The following RORA variants were observed in gnomAD, a reference collection of about 807,000 sequenced individuals.
The protein encoded by RORA is RAR related orphan receptor A.
Under a neutral mutation model 69.5 loss-of-function variants are expected in RORA, and 7 were observed. The ratio of observed to expected loss-of-function variants is 0.10; its 90% CI spans 0.06 to 0.19. The LOEUF is 0.19. Among genes scored for constraint, RORA ranks in the 10% least tolerant of loss-of-function variants. RORA has a pLI of 1.00. For missense variants in RORA, 457 were observed against 663.0 expected (o/e 0.69, Z 3.41); for synonymous variants, 261 against 240.8 (o/e 1.08, Z -0.78).
At chr15:60,600,744 A>G (rs1451386735) in intron 2 of RORA, among the ~76,000 whole-genome samples, 1 of 152,130 alleles carries the variant, frequency 6.6e-6, no homozygotes, top group Non-Finnish European at 1.5e-5. Flanking sequence ...AATTCCTGTT[A>G]GATTTTTAGT....
intron 1 of RORA, among the ~76,000 whole-genome samples, chr15:61,167,876 A>G (rs932632342): frequency 1.3e-5 from 2 of 152,204 alleles, no homozygotes; most frequent in Non-Finnish European, 2.9e-5. Context: ...CCACACTTCA[A>G]TGCATGTTTC....
intron 1 of RORA, among the ~76,000 whole-genome samples, chr15:61,033,547 C>G (rs955677651): frequency 6.6e-6 from 1 of 152,106 alleles, no homozygotes; most frequent in African/African-American, 2.4e-5. Flanking sequence ...CCAAATTGAC[C>G]TAGATAGTAG....
chr15:61,166,608 G>C (rs1326238200), intron 1 of RORA, among the ~76,000 whole-genome samples: 1 of 152,046 alleles, frequency 6.6e-6, no homozygotes, highest in African/African-American at 2.4e-5. Context: ...ATTATAGGAA[G>C]GGGAAATATA....
Position 60,490,293 on chromosome 15 carries a change from A to G in RORA, c.*7162T>C, listed in dbSNP as rs2065020744. On this transcript the variant is annotated 3_prime_UTR_variant, in exon 11 of 11. Transcript: ENST00000335670. This position sits in a 1 kb window ranked among gnomAD's most constrained non-coding sequence, Gnocchi z 4.1. ...AAAAGTAACTTGTCTAGCACCACAC[A>G]TCAGAAAAACACAAAAATAGCACAC... is the stretch of plus-strand genomic sequence containing the variant. 6.6e-6 allele frequency: 1 copy of G among 152,110 alleles called. No homozygotes were observed. Among genetic ancestry groups the G allele is most frequent in the South Asian group, 2.1e-4 (1 of 4,834 alleles). 9.4% of individuals were successfully genotyped at this position (152,110 alleles called of 1,614,324 possible). A position where few individuals can be genotyped will look rare whatever the true frequency, so the allele number is the denominator to read the frequency against.
chr15:60,943,846 G>A (rs1892777830), intron 1 of RORA, among the ~76,000 whole-genome samples: 1 of 141,156 alleles, frequency 7.1e-6, no homozygotes. Flanking sequence ...AACCTGGGAG[G>A]CAGAGGTTGC....
intron 2 of RORA, among the ~76,000 whole-genome samples, chr15:60,645,803 T>G (rs2070031188): frequency 7.0e-6 from 1 of 142,580 alleles, no homozygotes; most frequent in South Asian, 2.2e-4. Flanking sequence ...TAGGGTTTTT[T>G]TTTTTTTTTA....
chr15:60,587,847 A>G (rs1044404960), intron 2 of RORA, among the ~76,000 whole-genome samples: 1 of 152,200 alleles, frequency 6.6e-6, no homozygotes, highest in Non-Finnish European at 1.5e-5. Context: ...TCCAGAAACA[A>G]AAGATTTCAG....
At chr15:60,872,947 C>A (rs1185746742) in intron 1 of RORA, among the ~76,000 whole-genome samples, 2 of 152,146 alleles carry the variant, frequency 1.3e-5, no homozygotes, top group Non-Finnish European at 2.9e-5. Flanking sequence ...ATCTTCCTCA[C>A]CAGCGCAATC....
At chr15:60,621,909 G>A (rs539843582) in intron 2 of RORA, among the ~76,000 whole-genome samples, 30 of 152,176 alleles carry the variant, frequency 2.0e-4, no homozygotes, top group East Asian at 7.7e-4. Flanking sequence ...TTAGCCGGGC[G>A]TGGTGGCAGG....
At chr15:60,606,796 C>T (rs2068956165) in intron 2 of RORA, among the ~76,000 whole-genome samples, 1 of 151,588 alleles carries the variant, frequency 6.6e-6, no homozygotes, top group Non-Finnish European at 1.5e-5. Flanking sequence ...TGCTATAATA[C>T]TTTTCAATCA....
At chr15:61,114,227 T>A (rs980746891) in intron 1 of RORA, among the ~76,000 whole-genome samples, 1 of 152,010 alleles carries the variant, frequency 6.6e-6, no homozygotes, top group South Asian at 2.1e-4. Context: ...TGTCATCTCA[T>A]CCCTCTCCCC....
intron 2 of RORA, among the ~76,000 whole-genome samples, chr15:60,641,423 T>G (rs936646510): frequency 1.3e-5 from 2 of 152,214 alleles, no homozygotes; most frequent in Non-Finnish European, 2.9e-5. Flanking sequence ...CATTTCTTTT[T>G]TTTTAAGATG....
At chr15:60,859,401 A>C (rs1435106024) in intron 1 of RORA, among the ~76,000 whole-genome samples, 2 of 151,088 alleles carry the variant, frequency 1.3e-5, no homozygotes, top group Non-Finnish European at 2.9e-5. Context: ...GGACCTTGGG[A>C]CCTTGGGACC....
chr15:61,182,503 C>T (rs1331426146), intron 1 of RORA, among the ~76,000 whole-genome samples: 1 of 152,164 alleles, frequency 6.6e-6, no homozygotes, highest in East Asian at 1.9e-4. Flanking sequence ...GAGTTTATTC[C>T]CTGGAGCCAA....
chr15:60,820,180 A>G (rs551563573), intron 1 of RORA, among the ~76,000 whole-genome samples: 1 of 152,352 alleles, frequency 6.6e-6, no homozygotes, highest in African/African-American at 2.4e-5. Flanking sequence ...TCCACCTCCC[A>G]TCACGTGAGG....
At chr15:60,922,783 G>T (rs1892092478) in intron 1 of RORA, among the ~76,000 whole-genome samples, 1 of 152,204 alleles carries the variant, frequency 6.6e-6, no homozygotes, top group Non-Finnish European at 1.5e-5. Context: ...GTTTCTGTCT[G>T]TAACACTCTT....
intron 1 of RORA, among the ~76,000 whole-genome samples, chr15:61,058,420 G>T (rs567816021): frequency 6.6e-6 from 1 of 152,126 alleles, no homozygotes; most frequent in East Asian, 1.9e-4. Context: ...CAGGGTCCTG[G>T]ATAACTTTGA....
At chr15:60,712,951 A>G (rs2071163898) in intron 1 of RORA, among the ~76,000 whole-genome samples, 1 of 152,150 alleles carries the variant, frequency 6.6e-6, no homozygotes, top group South Asian at 2.1e-4. Context: ...CACATATCCT[A>G]TTCAACAGAG....
At chr15:60,824,156 T>A (rs1208358996) in intron 1 of RORA, among the ~76,000 whole-genome samples, 1 of 152,182 alleles carries the variant, frequency 6.6e-6, no homozygotes, top group Non-Finnish European at 1.5e-5. Flanking sequence ...GAGATCTGCA[T>A]GAGGAGAGCA....
Sources: allele counts gnomAD v4.1 joint callset (sites outside exome capture counted in the v4.1 genomes callset), GRCh38; gene constraint gnomAD v4.1.1; non-coding constraint Gnocchi (gnomAD v3.1); transcripts MANE v1.5; gene names NCBI Gene and HGNC (gene_info 2026-07-23, HGNC 2026-07-21).